FCHSD2: variants seen among roughly 807,000 people sequenced by gnomAD.
FCHSD2 encodes the protein FCH and double SH3 domains 2.
FCHSD2 carries 38 observed loss-of-function variants against 108.1 expected under a neutral mutation model. The observed-to-expected ratio is 0.35, with a 90% confidence interval of 0.27 to 0.46. The LOEUF is 0.46. FCHSD2 is among the 20% of genes least tolerant of loss of function. The pLI, the probability that FCHSD2 is intolerant of heterozygous loss-of-function variation, is 1.00. For missense variants in FCHSD2, 751 were observed against 897.8 expected (o/e 0.84, Z 2.09); for synonymous variants, 279 against 314.7 (o/e 0.89, Z 1.20).
chr11:72,847,195 T>A (rs1244908839), intron 14 of FCHSD2, among the ~76,000 whole-genome samples: 1 of 152,142 alleles, frequency 6.6e-6, no homozygotes, highest in African/African-American at 2.4e-5. Context: ...ACCAGGTTTT[T>A]CTTTGTTGCC....
At chr11:72,968,528 T>A (rs963863155) in intron 8 of FCHSD2, among the ~76,000 whole-genome samples, 2 of 152,220 alleles carry the variant, frequency 1.3e-5, no homozygotes, top group African/African-American at 4.8e-5. Context: ...GGCACATGTA[T>A]CTTAATGGAG....
chr11:72,846,094 A>AGATAGATAGATAGAT (rs10657358), intron 14 of FCHSD2, among the ~76,000 whole-genome samples: 1 of 50,276 alleles, frequency 2.0e-5, no homozygotes, highest in Non-Finnish European at 3.4e-5. Context: ...ATAGATAGAT[A>AGATAGATAGATAGAT]AGTAGTTACG....
At chr11:72,963,606 A>G (rs1485468921) in intron 8 of FCHSD2, among the ~76,000 whole-genome samples, 1 of 152,220 alleles carries the variant, frequency 6.6e-6, no homozygotes, top group Non-Finnish European at 1.5e-5. Context: ...GTTTCGTGGA[A>G]GATAATTTTT....
chr11:72,952,673 T>C (rs1230939497), intron 8 of FCHSD2, among the ~76,000 whole-genome samples: 1 of 152,082 alleles, frequency 6.6e-6, no homozygotes, highest in East Asian at 1.9e-4. Context: ...TAAGAGCTTA[T>C]TGGTAGAGAT....
intron 11 of FCHSD2, among the ~76,000 whole-genome samples, chr11:72,888,000 T>TAC (rs1310172749): frequency 6.6e-6 from 1 of 152,232 alleles, no homozygotes; most frequent in East Asian, 1.9e-4. Flanking sequence ...GGCAAGAGAT[T>TAC]ATATGGATAC....
chr11:72,900,162 T>C (rs935669377), intron 10 of FCHSD2: 15 of 798,174 alleles, frequency 1.9e-5, no homozygotes, highest in Non-Finnish European at 2.9e-5. Flanking sequence ...TACATGTATA[T>C]ACATAACTTT....
At chr11:72,956,117 A>C (rs1856706031) in intron 8 of FCHSD2, among the ~76,000 whole-genome samples, 1 of 152,220 alleles carries the variant, frequency 6.6e-6, no homozygotes, top group Non-Finnish European at 1.5e-5. Context: ...CTATCAGTCA[A>C]GTATGGAGCA....
chr11:72,952,721 A>G (rs1856642736), intron 8 of FCHSD2, among the ~76,000 whole-genome samples: 2 of 152,190 alleles, frequency 1.3e-5, no homozygotes. Context: ...AAGATAAGGG[A>G]AGGAAGAAAG....
intron 2 of FCHSD2, among the ~76,000 whole-genome samples, chr11:73,096,493 G>C (rs1398942826): frequency 6.6e-6 from 1 of 152,060 alleles, no homozygotes; most frequent in Non-Finnish European, 1.5e-5. Flanking sequence ...AGAGGTTGCA[G>C]TGAGCCGAGA....
chr11:72,961,867 C>A (rs769353845), intron 8 of FCHSD2, among the ~76,000 whole-genome samples: 9 of 152,166 alleles, frequency 5.9e-5, no homozygotes, highest in Non-Finnish European at 1.2e-4. Context: ...AAACATGTCA[C>A]CCCTTTTCAC....
At chr11:73,032,542 T>C (rs1806035814) in intron 3 of FCHSD2, among the ~76,000 whole-genome samples, 1 of 151,870 alleles carries the variant, frequency 6.6e-6, no homozygotes, top group Non-Finnish European at 1.5e-5. Flanking sequence ...TATCACTTAA[T>C]TGCTCAGTAT....
chr11:72,998,141 C>T (rs1022968548), intron 5 of FCHSD2, among the ~76,000 whole-genome samples: 2 of 152,126 alleles, frequency 1.3e-5, no homozygotes, highest in African/African-American at 4.8e-5. Flanking sequence ...GTCAAAAGGT[C>T]TAACAGCCAA....
intron 5 of FCHSD2, among the ~76,000 whole-genome samples, chr11:72,999,990 A>C (rs1857595627): frequency 6.6e-6 from 1 of 152,186 alleles, no homozygotes; most frequent in Non-Finnish European, 1.5e-5. Context: ...TTTGGCAAAG[A>C]TAAAACACAG....
chr11:72,901,865 G>T (rs533939719), intron 10 of FCHSD2, among the ~76,000 whole-genome samples: 67 of 147,860 alleles, frequency 4.5e-4, no homozygotes, highest in Non-Finnish European at 8.3e-4. Context: ...TTCTATTCTG[G>T]TTTTTTTTTT....
intron 8 of FCHSD2, among the ~76,000 whole-genome samples, chr11:72,949,543 T>C (rs905072427): frequency 6.6e-6 from 1 of 152,050 alleles, no homozygotes; most frequent in Non-Finnish European, 1.5e-5. Context: ...CAGTGCCCTC[T>C]CCCCCTGTGC....
intron 3 of FCHSD2, among the ~76,000 whole-genome samples, chr11:73,040,482 C>A (rs1174306289): frequency 6.6e-6 from 1 of 152,096 alleles, no homozygotes; most frequent in Non-Finnish European, 1.5e-5. Context: ...TCCTCCTTCC[C>A]AAGTCTTGTT....
chr11:72,921,819 G>A lies in FCHSD2; in HGVS notation c.828+9C>T. ...GATAACACTACACGTTGCACTAAAG[G>A]TAACTTACCTTGCTGGAGTTTTCTA... On this transcript the variant is annotated intron_variant, in intron 9 of 19. Coordinates refer to ENST00000409418, the MANE Select transcript of FCHSD2 (RefSeq NM_014824.3). 1 of 1,609,660 alleles carries A rather than the reference G, an allele frequency of 6.2e-7. No individual in the cohort carries two copies. Among genetic ancestry groups the A allele is most frequent in the Admixed American group, 1.7e-5 (1 of 59,640 alleles).
At chr11:72,961,408 G>T (rs549950812) in intron 8 of FCHSD2, among the ~76,000 whole-genome samples, 137 of 87,034 alleles carry the variant, frequency 1.6e-3, no homozygotes, top group African/African-American at 4.1e-3. Context: ...GAAGTTTTTT[G>T]TTGTTGTTGT....
chr11:72,868,565 C>T (rs1184765665), intron 12 of FCHSD2, among the ~76,000 whole-genome samples: 4 of 151,998 alleles, frequency 2.6e-5, no homozygotes, highest in East Asian at 1.9e-4. Context: ...GTATCATGGG[C>T]CTGTAGTCCC....
Sources: gnomAD v4.1 joint callset for allele counts (sites outside exome capture counted in the v4.1 genomes callset) on GRCh38, gnomAD v4.1.1 for gene constraint, MANE v1.5 for transcripts, NCBI Gene and HGNC (gene_info 2026-07-23, HGNC 2026-07-21) for gene names.